The following PC variants were observed in gnomAD, a reference collection of about 807,000 sequenced individuals.
The protein encoded by PC is pyruvate carboxylase, also known as pyruvate carboxylase, mitochondrial.
A neutral mutation model predicts 107.8 loss-of-function variants in PC; 46 were observed. That is an observed-to-expected ratio of 0.43 (90% CI 0.34 to 0.55). The LOEUF is 0.55. Among genes scored for constraint, PC ranks in the 20% least tolerant of loss-of-function variants. The pLI is 0.04. For synonymous variants in PC, 662 were observed against 684.7 expected (o/e 0.97, Z 0.52); for missense variants, 1,241 against 1,643.1 (o/e 0.76, Z 4.23).
chr11:66,852,978 GC>G lies in PC; in HGVS notation c.1514-143del, dbSNP rs981714438. 4.2e-5 allele frequency: 31 copies of G among 738,434 alleles called. 1 individual carries two copies. The African/African-American group carries it at 5.3e-4, about 13-fold the overall frequency. 45.7% of individuals were successfully genotyped at this position (738,434 alleles called of 1,614,324 possible). ...CCAGCTGGCCCCTGTCCTCTCCAAA[GC>G]CAGGGCCTCCTGGGTACAGGCAGTG... On this transcript the variant is annotated intron_variant, in intron 13 of 22. Transcript: ENST00000393960. This position sits in a 1 kb window ranked among gnomAD's most constrained non-coding sequence, Gnocchi z 4.7.
chr11:66,931,936 G>A (rs1364267247), intron 3 of PC, among the ~76,000 whole-genome samples: 2 of 151,148 alleles, frequency 1.3e-5, no homozygotes, highest in Non-Finnish European at 2.9e-5. Flanking sequence ...GGAGAATGGC[G>A]TGAACCCGGG....
At chr11:66,943,739 G>A (rs1232439626) in intron 3 of PC, among the ~76,000 whole-genome samples, 1 of 97,190 alleles carries the variant, frequency 1.0e-5, no homozygotes, top group East Asian at 3.5e-4. Context: ...CTGGGCTATA[G>A]AGCAAGACTC....
At chr11:66,872,919 T>C (rs1456326697) in intron 3 of PC, among the ~76,000 whole-genome samples, 1 of 146,648 alleles carries the variant, frequency 6.8e-6, no homozygotes, top group Admixed American at 6.8e-5. Context: ...CGCCTGTAAT[T>C]CTAGCTACTC....
Position 66,858,027 on chromosome 11 carries a change from C to T in PC, c.1369-4644G>A. The T allele has an allele frequency of 6.2e-7, 1 of 1,611,950 alleles. No individual in the cohort carries two copies. Among genetic ancestry groups the T allele is most frequent in the Non-Finnish European group, 8.5e-7 (1 of 1,179,876 alleles). Reference sequence around the variant, plus strand: ...CATTGGGGCCCGCGCCTTTGGGGACCTCGAGAGCCTGCGTTCCCTCCACCT... The same window carrying T: ...CATTGGGGCCCGCGCCTTTGGGGACTTCGAGAGCCTGCGTTCCCTCCACCT... On this transcript the variant is annotated intron_variant, in intron 12 of 22. Coordinates refer to ENST00000393960, the MANE Select transcript of PC (RefSeq NM_001040716.2). The surrounding 1 kb of genome is among the most constrained non-coding windows in gnomAD (Gnocchi z 5.9).
At chr11:66,956,507 C>T (rs1758626789) in intron 1 of PC, among the ~76,000 whole-genome samples, 1 of 152,182 alleles carries the variant, frequency 6.6e-6, no homozygotes, top group African/African-American at 2.4e-5. Context: ...ATCGCTTGAA[C>T]TCGGGAGGCG....
Position 66,852,513 on chromosome 11 carries a change from G to A in PC, c.1751C>T (p.Thr584Ile), listed in dbSNP as rs1338252410. The A allele has an allele frequency of 2.5e-6, 4 of 1,614,092 alleles. No homozygotes were observed. Among genetic ancestry groups the A allele is most frequent in the South Asian group, 1.1e-5 (1 of 91,088 alleles). Residue 584 changes from threonine (T) to isoleucine (I), a missense_variant, in exon 15 of 23, where the codon ACC becomes ATC. Physicochemically the swap from Thr to Ile is moderately conservative, Grantham distance 89. This residue lies in a region of PC where 1,143 missense variants were observed against 1,551.9 expected (regional missense o/e 0.74). Coordinates refer to ENST00000393960, the MANE Select transcript of PC (RefSeq NM_001040716.2). This position sits in a 1 kb window ranked among gnomAD's most constrained non-coding sequence, Gnocchi z 4.7. ...HQSLLATRVR[T>I]HDLKKIAPYV... ...GGGGGCGATCTTTTTGAGATCGTGG[G>A]TGCGCACACGAGTGGCCAGCAGTGA...
Position 66,849,060 on chromosome 11 carries a change from C to T in PC, c.3376G>A (p.Val1126Met), listed in dbSNP as rs182440197. ...CCCTTGGCCACCTTGGCCCCTGCCA[C>T]CACTTTGATGTCTATCACCTTCCCA... Reference protein sequence around the residue: ...MPGKVIDIKVVAGAKVAKGQP... With the variant: ...MPGKVIDIKVMAGAKVAKGQP... The change falls in exon 23 of 23, where the codon GTG (valine) becomes ATG (methionine). Residue 1126 changes from valine to methionine, a missense_variant. By Grantham distance (21) the Val-to-Met change is conservative (BLOSUM62 1). Coordinates refer to ENST00000393960, the MANE Select transcript of PC (RefSeq NM_001040716.2). 2 of 1,614,114 alleles carry T rather than the reference C, an allele frequency of 1.2e-6. No homozygotes were observed. The highest frequency in any genetic ancestry group is 2.7e-5 in the African/African-American group (2 of 75,054).
chr11:66,896,077 A>T (rs1947750497), intron 3 of PC, among the ~76,000 whole-genome samples: 1 of 152,166 alleles, frequency 6.6e-6, no homozygotes, highest in Non-Finnish European at 1.5e-5. Flanking sequence ...CCAACCTGAA[A>T]TTCTCTTTTT....
chr11:66,935,831 G>A (rs190628603), intron 3 of PC, among the ~76,000 whole-genome samples: 2 of 152,282 alleles, frequency 1.3e-5, no homozygotes, highest in Non-Finnish European at 2.9e-5. Flanking sequence ...GCTCATGCCT[G>A]TAATCCCAGC....
At chr11:66,898,356 T>A (rs565163290) in intron 3 of PC, among the ~76,000 whole-genome samples, 1 of 152,304 alleles carries the variant, frequency 6.6e-6, no homozygotes, top group African/African-American at 2.4e-5. Flanking sequence ...TGAGATACAA[T>A]TCACATACCA....
rs1265440558 is a variant in PC at position 66,859,913 on chromosome 11, G to A, written c.1368+3861C>T. On this transcript the variant is annotated intron_variant, in intron 12 of 22. Coordinates refer to ENST00000393960, the MANE Select transcript of PC (RefSeq NM_001040716.2). ...CTGTGGCCTTGCTGGTTCGGGGCCG[G>A]GGGGCCGGAAATGGCCGCCTCCCCC... The A allele has an allele frequency of 1.0e-5, 16 of 1,583,156 alleles. 1 individual carries two copies. In the South Asian group the frequency reaches 1.7e-4, roughly 17 times the overall value.
rs1047298286 is a variant in PC, at chr11:66,867,294, G to A, written c.1023-945C>T. On this transcript the variant is annotated intron_variant, in intron 10 of 22. Transcript: ENST00000393960. ...CCAGCTACTCAGGAGGCTGAGGCAG[G>A]AGAATCACTTGAACCCGGGAGGCAG... 5.3e-5 allele frequency among the ~76,000 whole-genome samples: 8 copies of A among 152,202 alleles called. 1 individual carries two copies. Among genetic ancestry groups the A allele is most frequent in the Admixed American group, 2.0e-4 (3 of 15,288 alleles).
At chr11:66,850,147 C>T (rs1249954909) in intron 19 of PC, 31 bp from the exon 20 acceptor site, 3 of 1,613,824 alleles carry the variant, frequency 1.9e-6, no homozygotes, top group South Asian at 1.1e-5. Flanking sequence ...GTTAGGGTGC[C>T]AGGCACCTCA....
At chr11:66,951,854 C>A (rs1425182348) in intron 3 of PC, among the ~76,000 whole-genome samples, 2 of 150,848 alleles carry the variant, frequency 1.3e-5, no homozygotes, top group Non-Finnish European at 2.9e-5. Context: ...TGCGCCACTG[C>A]ACTCCAGCCT....
chr11:66,906,129 G>A (rs1279556454), intron 3 of PC, among the ~76,000 whole-genome samples: 4 of 152,200 alleles, frequency 2.6e-5, no homozygotes, highest in Non-Finnish European at 5.9e-5. Context: ...CAATGACCCA[G>A]TGAGAAGCTG....
chr11:66,900,777 T>C (rs1238629999), intron 3 of PC, among the ~76,000 whole-genome samples: 1 of 152,238 alleles, frequency 6.6e-6, no homozygotes, highest in African/African-American at 2.4e-5. Flanking sequence ...GGAATTGTTT[T>C]CTTCATTTTC....
chr11:66,881,050 C>A (rs1947169684), intron 3 of PC, among the ~76,000 whole-genome samples: 1 of 152,190 alleles, frequency 6.6e-6, no homozygotes, highest in Admixed American at 6.5e-5. Context: ...CAGTTACACG[C>A]CTCGGGGGAT....
At chr11:66,909,556 C>T (rs1177639900) in intron 3 of PC, among the ~76,000 whole-genome samples, 1 of 152,202 alleles carries the variant, frequency 6.6e-6, no homozygotes, top group East Asian at 1.9e-4. Context: ...ATCACCACCA[C>T]GTGTCCTATT....
chr11:66,917,872 G>C (rs11227627), intron 3 of PC, among the ~76,000 whole-genome samples: 44,497 of 152,112 alleles, frequency 0.29, 6,798 homozygotes, highest in Middle Eastern at 0.36. Context: ...GTGAGCTGCA[G>C]GGAAAGACCT....
Sources: gnomAD v4.1 joint callset for allele counts (sites outside exome capture counted in the v4.1 genomes callset) on GRCh38, gnomAD v4.1.1 for gene constraint, gnomAD v4.1.1 regional missense constraint, Gnocchi (gnomAD v3.1) non-coding constraint, MANE v1.5 for transcripts, NCBI Gene and HGNC (gene_info 2026-07-23, HGNC 2026-07-21) for gene names.